VWA3B: variants seen among roughly 807,000 people sequenced by gnomAD.
VWA3B encodes the protein von Willebrand factor A domain containing 3B, also known as von Willebrand factor A domain-containing protein 3B.
In VWA3B, 138 loss-of-function variants were observed where a neutral mutation model predicts 158.3. That is an observed-to-expected ratio of 0.87 (90% CI 0.76 to 1.00). VWA3B has a LOEUF of 1.00. Among genes scored for constraint, VWA3B ranks in the 50% least tolerant of loss-of-function variants. The pLI is 0.00. For missense variants in VWA3B, 1,555 were observed against 1,565.1 expected (o/e 0.99, Z 0.11); for synonymous variants, 596 against 587.3 (o/e 1.01, Z -0.21).
chr2:98,217,093 G>A (rs889643215), intron 13 of VWA3B: 1 of 701,684 alleles, frequency 1.4e-6, no homozygotes, highest in Admixed American at 3.1e-5. Context: ...TCCCCTCAAT[G>A]GCAGAGGGAG....
rs1685684056 is a variant in VWA3B, at chr2:98,236,397, C to T, written c.2436C>T (p.Ser812=). The change falls in exon 18 of 28, where the codon AGC becomes AGT. Residue 812 remains serine (S), a synonymous_variant. Coordinates refer to ENST00000477737, the MANE Select transcript of VWA3B (RefSeq NM_144992.5). ...CCACTTCCCCTTCCACAGAAATGAG[C>T]ATCTTGCTGGCTGAGGAGTGGCTGG... ...RRTALSDKEM[S]ILLAEEWLDD... is the part of the protein sequence containing the mutation. 2 of 1,614,060 alleles carry T rather than the reference C, an allele frequency of 1.2e-6. No individual in the cohort carries two copies. The highest frequency in any genetic ancestry group is 1.7e-6 in the Non-Finnish European group (2 of 1,180,038).
intron 25 of VWA3B, among the ~76,000 whole-genome samples, chr2:98,303,274 G>T (rs1175013646): frequency 2.6e-5 from 4 of 151,930 alleles, no homozygotes; most frequent in African/African-American, 9.7e-5. Context: ...GGGGGTGGAG[G>T]TGGGTGTGGC....
At chr2:98,229,160 G>A (rs1685153859) in intron 15 of VWA3B, among the ~76,000 whole-genome samples, 1 of 152,310 alleles carries the variant, frequency 6.6e-6, no homozygotes, top group African/African-American at 2.4e-5. Flanking sequence ...TATTTTTTAA[G>A]TATTTGGGAA....
At chr2:98,197,005 T>C (rs1302053461) in intron 12 of VWA3B, among the ~76,000 whole-genome samples, 3 of 152,206 alleles carry the variant, frequency 2.0e-5, no homozygotes, top group Non-Finnish European at 4.4e-5. Flanking sequence ...TTGCAGACTT[T>C]ATTCAGCCTT....
Position 98,212,029 on chromosome 2 carries a change from G to T in VWA3B, c.1836+1G>T. On this transcript the variant is annotated splice_donor_variant, in intron 13 of 27. Coordinates refer to ENST00000477737, the MANE Select transcript of VWA3B (RefSeq NM_144992.5). LOFTEE classifies it high-confidence loss of function. ...TCTGACCGATGGGAGACCTGATCAG[G>T]TACTTACCAGAGCTGGGAACAAAGA... 6.2e-7 allele frequency: 1 copy of T among 1,613,634 alleles called. No individual in the cohort carries two copies. The highest frequency in any genetic ancestry group is 8.5e-7 in the Non-Finnish European group (1 of 1,179,614).
intron 4 of VWA3B, 116 bp downstream of exon 4, chr2:98,119,879 C>CTTA: frequency 1.6e-6 from 2 of 1,279,158 alleles, no homozygotes; most frequent in Non-Finnish European, 2.2e-6. Flanking sequence ...GAGGCATTAT[C>CTTA]TTATACTTTC....
At chr2:98,229,972 G>T in intron 15 of VWA3B, 78 bp from the exon 16 acceptor site, 2 of 1,459,172 alleles carry the variant, frequency 1.4e-6, no homozygotes, top group South Asian at 3.0e-5. Context: ...TGAATGTATT[G>T]ACTTAACTCT....
At chr2:98,274,409 A>G (rs755563433) in intron 22 of VWA3B, among the ~76,000 whole-genome samples, 2 of 152,164 alleles carry the variant, frequency 1.3e-5, no homozygotes, top group Non-Finnish European at 2.9e-5. Context: ...CCAGAGAACA[A>G]TGGAAGATGG....
chr2:98,121,631 A>G (rs141576471), intron 5 of VWA3B, among the ~76,000 whole-genome samples, 173 bp downstream of exon 5: 55 of 152,236 alleles, frequency 3.6e-4, no homozygotes, highest in African/African-American at 1.3e-3. Context: ...AACCCAAATG[A>G]GGCCCCTGAA....
chr2:98,090,585 C>T (rs1682208131), intron 1 of VWA3B, among the ~76,000 whole-genome samples: 1 of 152,128 alleles, frequency 6.6e-6, no homozygotes, highest in Non-Finnish European at 1.5e-5. Context: ...TTTTCCACTC[C>T]TACGTGATGC....
At chr2:98,227,420 G>A (rs1330625940) in intron 14 of VWA3B, among the ~76,000 whole-genome samples, 2 of 152,150 alleles carry the variant, frequency 1.3e-5, no homozygotes, top group East Asian at 1.9e-4. Flanking sequence ...AATGAAAGCC[G>A]ACGTCCATGC....
intron 14 of VWA3B, among the ~76,000 whole-genome samples, chr2:98,222,518 T>C (rs1684593570): frequency 6.6e-6 from 1 of 152,114 alleles, no homozygotes; most frequent in Non-Finnish European, 1.5e-5. Context: ...TCAGAGTGCG[T>C]TGGAAGAACA....
chr2:98,219,479 C>G (rs1035135941), intron 14 of VWA3B, among the ~76,000 whole-genome samples: 1 of 152,098 alleles, frequency 6.6e-6, no homozygotes, highest in African/African-American at 2.4e-5. Flanking sequence ...AACAGAGCAT[C>G]AATGAGTCGT....
intron 21 of VWA3B, among the ~76,000 whole-genome samples, chr2:98,258,270 A>G (rs1687279083): frequency 6.6e-6 from 1 of 151,902 alleles, no homozygotes; most frequent in African/African-American, 2.4e-5. Flanking sequence ...ATTTGTATTC[A>G]GTTTTGAAAT....
intron 7 of VWA3B, among the ~76,000 whole-genome samples, chr2:98,140,220 G>A (rs1676663634): frequency 1.3e-5 from 2 of 152,226 alleles, no homozygotes; most frequent in Admixed American, 1.3e-4. Context: ...AAGTCAGTGA[G>A]ACCAAGAACC....
Position 98,119,680 on chromosome 2 carries a change from G to C in VWA3B, c.459G>C (p.Glu153Asp). Residue 153 changes from glutamate (E) to aspartate (D), a missense_variant, in exon 4 of 28, where the codon GAG becomes GAC. Physicochemically the swap from Glu to Asp is conservative, Grantham distance 45. Coordinates refer to ENST00000477737, the MANE Select transcript of VWA3B (RefSeq NM_144992.5). ...TIVLDFGGIL[E>D]GELDLCREAL... ...TGCTGGATTTTGGCGGCATTCTGGA[G>C]GGGGAGCTTGATCTGTGCCGAGAGG... The C allele has an allele frequency of 1.2e-6, 2 of 1,614,156 alleles. No homozygotes were observed. The highest frequency in any genetic ancestry group is 8.5e-7 in the Non-Finnish European group (1 of 1,180,032).
chr2:98,225,978 G>C (rs957369793), intron 14 of VWA3B, among the ~76,000 whole-genome samples: 2 of 152,158 alleles, frequency 1.3e-5, no homozygotes, highest in African/African-American at 4.8e-5. Flanking sequence ...CGGATTGAAC[G>C]ACTTAACATA....
At chr2:98,141,311 C>G (rs1381979292) in intron 7 of VWA3B, among the ~76,000 whole-genome samples, 1 of 152,196 alleles carries the variant, frequency 6.6e-6, no homozygotes, top group African/African-American at 2.4e-5. Context: ...TTATTAGGCT[C>G]AGCGTTCTGC....
intron 23 of VWA3B, 76 bp from the exon 24 acceptor site, chr2:98,297,831 C>T: frequency 7.1e-7 from 1 of 1,408,614 alleles, no homozygotes; most frequent in South Asian, 1.7e-5. Context: ...CTCAGCATGG[C>T]CAGAAAGATG....
Sources: gnomAD v4.1 joint callset for allele counts (sites outside exome capture counted in the v4.1 genomes callset) on GRCh38, gnomAD v4.1.1 for gene constraint, MANE v1.5 for transcripts, NCBI Gene and HGNC (gene_info 2026-07-23, HGNC 2026-07-21) for gene names.